CDK11A: variants seen among roughly 807,000 people sequenced by gnomAD.
The protein encoded by CDK11A is cyclin dependent kinase 11A, also known as cyclin-dependent kinase 11A.
A neutral mutation model predicts 83.6 loss-of-function variants in CDK11A; 55 were observed. The ratio of observed to expected loss-of-function variants is 0.66; its 90% CI spans 0.53 to 0.82. The LOEUF is 0.82. Ranked by LOEUF, CDK11A falls within the 40% of genes least tolerant of loss-of-function variation. The pLI is 0.00. For synonymous variants in CDK11A, 247 were observed against 302.7 expected, an observed-to-expected ratio of 0.82 and a Z score of 1.91; for missense variants, 564 against 810.1, an observed-to-expected ratio of 0.70 and a Z score of 3.69.
In CDK11A at chr1:1,707,564, G is replaced by A. The variant is rs1361149658; in HGVS notation, c.1090C>T (p.Arg364Ter). Residue 364 changes from arginine (R) to a stop codon, truncating the protein, a stop_gained, in exon 11 of 20, where the codon CGA (arginine) becomes TGA (stop). Coordinates refer to ENST00000404249, the MANE Select transcript of CDK11A (RefSeq NM_024011.4). LOFTEE classifies it high-confidence loss of function. ...LLVVPESRFD[R>*]DSGESEEAEE... ...GCTTCTTCACTCTCCCCGGAATCTC[G>A]GTCGAACCGTGACTCTGGAACTGGA... 12 of 1,582,850 alleles carry A rather than the reference G, an allele frequency of 7.6e-6. No homozygotes were observed. Among genetic ancestry groups the A allele is most frequent in the South Asian group, 5.6e-5 (5 of 88,974 alleles).
intron 5 of CDK11A, among the ~76,000 whole-genome samples, chr1:1,714,474 C>T (rs1463333968): frequency 4.1e-5 from 2 of 48,510 alleles, no homozygotes; most frequent in African/African-American, 7.4e-5. Context: ...TTAGATAATA[C>T]ATTTGTAGCA....
At chr1:1,718,895 C>T (rs1178360753) in intron 4 of CDK11A, among the ~76,000 whole-genome samples, 1 of 150,586 alleles carries the variant, frequency 6.6e-6, no homozygotes, top group Non-Finnish European at 1.5e-5. Context: ...CTCAGCCTCC[C>T]AAAGTGCTGG....
chr1:1,704,698 C>T (rs1422474545), intron 13 of CDK11A, 43 bp from the exon 14 acceptor site: 2 of 1,595,650 alleles, frequency 1.3e-6, no homozygotes, highest in South Asian at 1.1e-5. Context: ...CTCCAGGCCC[C>T]CACCCACCCC....
rs539301217 is a variant in CDK11A at position 1,720,089 on chromosome 1, T to A, written c.228-634A>T. 3.5e-4 allele frequency among the ~76,000 whole-genome samples: 53 copies of A among 150,682 alleles called. 5 individuals carry two copies. The South Asian group carries it at 4.4e-3, about 13-fold the overall frequency. On this transcript the variant is annotated intron_variant, in intron 3 of 19. Transcript: ENST00000404249. ...ACATCTTATTTATTTAATTTAATTTTATTTATTTATTTATTTTATTTGAGA... is the reference window on the plus strand; with the variant it reads ...ACATCTTATTTATTTAATTTAATTTAATTTATTTATTTATTTTATTTGAGA...
At position 1,719,437 on chromosome 1, in the gene CDK11A, A is replaced by G. The variant is rs751620983; in HGVS notation, c.246T>C (p.Ser82=). ...SMEDRGEEDD[S]LAIKPPQQMS... is the part of the protein sequence containing the mutation. ...TTTGCTGGGGTGGTTTGATGGCCAA[A>G]GAATCATCTTCTTCTCCTCTGAAAT... is the stretch of plus-strand genomic sequence containing the variant. Residue 82 remains serine (S), a synonymous_variant, in exon 4 of 20, where the codon TCT becomes TCC. Coordinates refer to ENST00000404249, the MANE Select transcript of CDK11A (RefSeq NM_024011.4). 3.2e-5 allele frequency: 49 copies of G among 1,515,820 alleles called. 1 individual carries two copies. The African/African-American group carries it at 5.8e-4, about 18-fold the overall frequency. The allele number at this position is 1,515,820 out of a possible 1,614,324, so 93.9% of individuals were successfully genotyped here. A position where few individuals can be genotyped will look rare whatever the true frequency, so the allele number is the denominator to read the frequency against.
At chr1:1,706,807 T>C (rs1381790484) in intron 11 of CDK11A, among the ~76,000 whole-genome samples, 1 of 150,594 alleles carries the variant, frequency 6.6e-6, no homozygotes, top group African/African-American at 2.5e-5. Context: ...GACAGAGGCC[T>C]GCTGCATGCG....
At position 1,704,617 on chromosome 1, in the gene CDK11A, G is replaced by A. The variant is rs1301717350; in HGVS notation, c.1497C>T (p.Ile499=). The change falls in exon 14 of 20, where the codon ATC becomes ATT. Residue 499 remains isoleucine, a synonymous_variant. Coordinates refer to ENST00000404249, the MANE Select transcript of CDK11A (RefSeq NM_024011.4). ...VVGSNMDKIY[I]VMNYVEHDLK... is the part of the protein sequence containing the mutation. Reference sequence around the variant, plus strand: ...GGTCGTGCTCCACGTAGTTCATCACGATGTAGATCTTGTCCATGTTGCTGC... The same window carrying A: ...GGTCGTGCTCCACGTAGTTCATCACAATGTAGATCTTGTCCATGTTGCTGC... 3.1e-6 allele frequency: 5 copies of A among 1,599,814 alleles called. No homozygotes were observed. The highest frequency in any genetic ancestry group is 4.5e-5 in the East Asian group (2 of 44,434).
In CDK11A at chr1:1,724,294, G is replaced by A. The variant is rs905903356; in HGVS notation, c.-50C>T. 5.9e-5 allele frequency: 9 copies of A among 151,714 alleles called. 1 individual carries two copies. The highest frequency in any genetic ancestry group is 1.2e-4 in the Non-Finnish European group (8 of 67,882). 9.4% of individuals were successfully genotyped at this position (151,714 alleles called of 1,614,324 possible). On this transcript the variant is annotated 5_prime_UTR_variant, in exon 1 of 20. Coordinates refer to ENST00000404249, the MANE Select transcript of CDK11A (RefSeq NM_024011.4). The stretch of plus-strand genomic sequence containing the variant: ...CGCGGCCGGTCCCTGAGCCTGAGAA[G>A]AAACAGCAACCGGCGCTCGCCAGAA...
chr1:1,718,324 C>T (rs537389114), intron 4 of CDK11A, among the ~76,000 whole-genome samples: 2 of 147,378 alleles, frequency 1.4e-5, no homozygotes, highest in African/African-American at 2.5e-5. Flanking sequence ...CTCTCTATAG[C>T]CCCTCTGAAC....
chr1:1,721,470 G>A, intron 3 of CDK11A, 126 bp downstream of exon 3: 1 of 1,095,982 alleles, frequency 9.1e-7, no homozygotes, highest in South Asian at 1.7e-5. Context: ...CCCTGTCACG[G>A]TAACTCTAGG....
At position 1,712,887 on chromosome 1, in the gene CDK11A, G is replaced by A. The variant is rs1476397001; in HGVS notation, c.489-487C>T. Among the ~76,000 whole-genome samples, 12 of 43,210 alleles carry A rather than the reference G, an allele frequency of 2.8e-4. 6 individuals are homozygous for A. The highest frequency in any genetic ancestry group is 4.7e-4 in the Non-Finnish European group (4 of 8,516). The allele number at this position is 43,210 out of a possible 152,430, so 28.3% of individuals were successfully genotyped here. A position where few individuals can be genotyped will look rare whatever the true frequency, so the allele number is the denominator to read the frequency against. On this transcript the variant is annotated intron_variant, in intron 5 of 19. Transcript: ENST00000404249. ...ATCGGTGTTTGCTTCATGGATTTTGGGCTCTGTGGTTAGATGCATTCACAT... is the reference window on the plus strand; with the variant it reads ...ATCGGTGTTTGCTTCATGGATTTTGAGCTCTGTGGTTAGATGCATTCACAT...
At chr1:1,718,295 T>C (rs374895262) in intron 4 of CDK11A, among the ~76,000 whole-genome samples, 136 of 132,320 alleles carry the variant, frequency 1.0e-3, no homozygotes, top group Middle Eastern at 5.5e-3. Context: ...GACACACGCA[T>C]GCTTTCAGCT....
rs1287477626 is a variant in CDK11A at position 1,706,559 on chromosome 1, G to C, written c.1246-827C>G. Among the ~76,000 whole-genome samples, 2 of 151,144 alleles carry C rather than the reference G, an allele frequency of 1.3e-5. 1 individual carries two copies. Among genetic ancestry groups the C allele is most frequent in the Non-Finnish European group, 3.0e-5 (2 of 67,678 alleles). ...GACAGACCCAGTCTCCAAAAAAAAG[G>C]CCATCCGGAGAGTCTCTCTGTCAAA... On this transcript the variant is annotated intron_variant, in intron 11 of 19. Transcript: ENST00000404249.
chr1:1,719,522 A>G lies in CDK11A; in HGVS notation c.228-67T>C, dbSNP rs1260597010. On this transcript the variant is annotated intron_variant, in intron 3 of 19. Coordinates refer to ENST00000404249, the MANE Select transcript of CDK11A (RefSeq NM_024011.4). ...TGCGGAAAAGCATCAGGCTATTATG[A>G]GGTTTTTTCAACCCAGAAAAATGCA... The G allele has an allele frequency of 9.6e-6, 12 of 1,252,238 alleles. No individual in the cohort carries two copies. The Admixed American group carries it at 2.3e-4, about 24-fold the overall frequency. The allele number at this position is 1,252,238 out of a possible 1,614,324, so 77.6% of individuals were successfully genotyped here. A position where few individuals can be genotyped will look rare whatever the true frequency, so the allele number is the denominator to read the frequency against.
rs1210414934 is a variant in CDK11A at position 1,702,741 on chromosome 1, A to G, written c.*166T>C. ...AGAAAACACAGCTCTTTCCTCCACA[A>G]CAAGGAAAATGATTTAATTCTACAA... On this transcript the variant is annotated 3_prime_UTR_variant, in exon 20 of 20. Transcript: ENST00000404249. The G allele has an allele frequency of 3.4e-6, 2 of 596,734 alleles. No homozygotes were observed. The highest frequency in any genetic ancestry group is 1.9e-5 in the African/African-American group (1 of 54,008). The allele number at this position is 596,734 out of a possible 1,614,324, so 37.0% of individuals were successfully genotyped here.
intron 2 of CDK11A, 168 bp downstream of exon 2, chr1:1,722,540 A>T: frequency 1.9e-6 from 1 of 525,690 alleles, no homozygotes; most frequent in Non-Finnish European, 3.5e-6. Context: ...TAGTGTGTTA[A>T]ATCTGCCTTT....
At chr1:1,721,534 G>A in intron 3 of CDK11A, 62 bp downstream of exon 3, 4 of 1,552,136 alleles carry the variant, frequency 2.6e-6, no homozygotes, top group East Asian at 2.3e-5. Flanking sequence ...GTGACCCTAG[G>A]AAGGACTGGC....
chr1:1,715,838 C>T (rs4437818), intron 5 of CDK11A, among the ~76,000 whole-genome samples: 56,936 of 150,194 alleles, frequency 0.38, 14,591 homozygotes, highest in Non-Finnish European at 0.53. Flanking sequence ...GGGAATCTGG[C>T]TCATAAAGGG....
chr1:1,715,316 G>T (rs971029687), intron 5 of CDK11A, among the ~76,000 whole-genome samples: 1 of 127,950 alleles, frequency 7.8e-6, no homozygotes, highest in Admixed American at 8.9e-5. Flanking sequence ...ATCTGAATCG[G>T]CCCTACCCAG....
Sources: allele counts gnomAD v4.1 joint callset (sites outside exome capture counted in the v4.1 genomes callset), GRCh38; gene constraint gnomAD v4.1.1; transcripts MANE v1.5; gene names NCBI Gene and HGNC (gene_info 2026-07-23, HGNC 2026-07-21).